Variants in NAALADL2 observed in about 807,000 individuals in gnomAD.
NAALADL2 encodes the protein inactive N-acetylated-alpha-linked acidic dipeptidase-like protein 2.
NAALADL2 carries 76 observed loss-of-function variants against 87.2 expected under a neutral mutation model. That is an observed-to-expected ratio of 0.87 (90% CI 0.72 to 1.05). The LOEUF is 1.05. Ranked by LOEUF, NAALADL2 falls within the 50% of genes least tolerant of loss-of-function variation. NAALADL2 has a pLI of 0.00. For synonymous variants in NAALADL2, 354 were observed against 331.0 expected (o/e 1.07, Z -0.75); for missense variants, 1,089 against 945.8 (o/e 1.15, Z -1.99).
intron 2 of NAALADL2, among the ~76,000 whole-genome samples, chr3:174,735,974 C>A (rs1412309766): frequency 1.3e-5 from 2 of 152,120 alleles, no homozygotes; most frequent in African/African-American, 2.4e-5. Context: ...GGGGTCTGAC[C>A]AAGCACACTG....
intron 11 of NAALADL2, among the ~76,000 whole-genome samples, chr3:175,652,811 C>T (rs9868563): frequency 0.22 from 33,441 of 151,848 alleles, 7,579 homozygotes; most frequent in African/African-American, 0.58. Flanking sequence ...TATTTGATTA[C>T]AAAGATACAA....
At chr3:174,547,898 G>T (rs989220351) in intron 1 of NAALADL2, among the ~76,000 whole-genome samples, 30 of 152,200 alleles carry the variant, frequency 2.0e-4, no homozygotes, top group African/African-American at 6.3e-4. Context: ...AATTACAAAA[G>T]AATTAAAATG....
At chr3:174,625,968 AG>A (rs1441640236) in intron 2 of NAALADL2, among the ~76,000 whole-genome samples, 1 of 152,090 alleles carries the variant, frequency 6.6e-6, no homozygotes, top group Non-Finnish European at 1.5e-5. Context: ...GCTTTTACAT[AG>A]TTTATAAATT....
chr3:175,727,178 A>G (rs1014576591), intron 11 of NAALADL2, among the ~76,000 whole-genome samples: 1 of 152,084 alleles, frequency 6.6e-6, no homozygotes, highest in African/African-American at 2.4e-5. Flanking sequence ...CAGGGAAGGC[A>G]TGCTCCAGGC....
chr3:175,787,506 C>T (rs11927820), intron 13 of NAALADL2, among the ~76,000 whole-genome samples: 1 of 152,132 alleles, frequency 6.6e-6, no homozygotes, highest in Non-Finnish European at 1.5e-5. Context: ...TTCTTTGACT[C>T]GGAAAGGGAA....
At chr3:174,774,379 G>A (rs557384149) in intron 3 of NAALADL2, among the ~76,000 whole-genome samples, 13 of 152,210 alleles carry the variant, frequency 8.5e-5, no homozygotes, top group African/African-American at 2.9e-4. Flanking sequence ...ATCTAACTAG[G>A]GAATGAAAAT....
At chr3:175,207,368 T>C (rs1170215194) in intron 2 of NAALADL2, among the ~76,000 whole-genome samples, 2 of 152,100 alleles carry the variant, frequency 1.3e-5, no homozygotes, top group Non-Finnish European at 2.9e-5. Flanking sequence ...AAAACCATGA[T>C]GGAAGTTATT....
chr3:174,902,041 G>A (rs1465889913), intron 1 of NAALADL2, among the ~76,000 whole-genome samples: 1 of 152,050 alleles, frequency 6.6e-6, no homozygotes, highest in African/African-American at 2.4e-5. Context: ...ACTTACGTGG[G>A]AATCTCGTTT....
At chr3:174,907,376 AT>A (rs1337344957) in intron 1 of NAALADL2, among the ~76,000 whole-genome samples, 3 of 152,092 alleles carry the variant, frequency 2.0e-5, no homozygotes, top group African/African-American at 7.2e-5. Context: ...TTGATCATAA[AT>A]TTACTGGGTG....
At chr3:175,736,611 A>G (rs1744538348) in intron 11 of NAALADL2, among the ~76,000 whole-genome samples, 4 of 152,370 alleles carry the variant, frequency 2.6e-5, no homozygotes, top group Middle Eastern at 3.4e-3. Context: ...TACAGATATC[A>G]ACATACAGGT....
intron 12 of NAALADL2, among the ~76,000 whole-genome samples, chr3:175,738,303 A>C (rs1744789015): frequency 6.6e-6 from 1 of 151,378 alleles, no homozygotes; most frequent in Admixed American, 6.6e-5. Flanking sequence ...GCTGGAGTGC[A>C]GTGGTGCGAT....
chr3:174,562,106 T>C (rs959355006), intron 2 of NAALADL2, among the ~76,000 whole-genome samples: 2 of 152,174 alleles, frequency 1.3e-5, no homozygotes, highest in East Asian at 3.8e-4. Flanking sequence ...CTTAAAATAT[T>C]GTGTGTTGAC....
intron 11 of NAALADL2, among the ~76,000 whole-genome samples, chr3:175,692,758 T>G (rs1265492977): frequency 6.6e-6 from 1 of 152,190 alleles, no homozygotes; most frequent in Non-Finnish European, 1.5e-5. Flanking sequence ...CTCCGTGCTC[T>G]CATTGAACTG....
chr3:174,842,773 A>G (rs558235899), intron 3 of NAALADL2, among the ~76,000 whole-genome samples: 109 of 151,876 alleles, frequency 7.2e-4, no homozygotes, highest in Non-Finnish European at 1.4e-3. Context: ...TTACCTACAC[A>G]CCTGTTTTTG....
At chr3:174,496,854 G>A (rs112856237) in intron 1 of NAALADL2, among the ~76,000 whole-genome samples, 1,955 of 152,030 alleles carry the variant, frequency 0.013, 35 homozygotes, top group African/African-American at 0.046. Flanking sequence ...AGTTAAACAC[G>A]AACGTATCAG....
intron 3 of NAALADL2, among the ~76,000 whole-genome samples, chr3:174,760,301 CGAG>C (rs568533218): frequency 1.1e-3 from 160 of 152,190 alleles, no homozygotes; most frequent in South Asian, 5.8e-3. Context: ...ACCTTCCCAC[CGAG>C]GAGGAGTGAT....
At chr3:175,772,757 A>G (rs1342770887) in intron 13 of NAALADL2, among the ~76,000 whole-genome samples, 1 of 152,148 alleles carries the variant, frequency 6.6e-6, no homozygotes, top group African/African-American at 2.4e-5. Flanking sequence ...CTCAGCTTTA[A>G]TAATTCCAAA....
intron 1 of NAALADL2, among the ~76,000 whole-genome samples, chr3:174,882,780 CATAT>C (rs1729530629): frequency 9.5e-6 from 1 of 105,204 alleles, no homozygotes; most frequent in Non-Finnish European, 1.9e-5. Flanking sequence ...TGTATATATA[CATAT>C]GTGTATATAT....
In NAALADL2 at chr3:175,805,438, C is replaced by T. The variant is rs2108372268; in HGVS notation, c.*2235C>T. On this transcript the variant is annotated 3_prime_UTR_variant, in exon 14 of 14. Transcript: ENST00000454872. ...TTTTTTATTAGTCTATTAAAAGATACGTGGAGATATTAAATTATACCTAAA... is the reference window on the plus strand; with the variant it reads ...TTTTTTATTAGTCTATTAAAAGATATGTGGAGATATTAAATTATACCTAAA... 1 of 151,714 alleles carries T rather than the reference C, an allele frequency of 6.6e-6. No individual in the cohort carries two copies. Among genetic ancestry groups the T allele is most frequent in the East Asian group, 1.9e-4 (1 of 5,176 alleles). 9.4% of individuals were successfully genotyped at this position (151,714 alleles called of 1,614,324 possible).
Sources: allele counts gnomAD v4.1 joint callset (sites outside exome capture counted in the v4.1 genomes callset), GRCh38; gene constraint gnomAD v4.1.1; transcripts MANE v1.5; gene names NCBI Gene and HGNC (gene_info 2026-07-23, HGNC 2026-07-21).